Variants in PAK1 observed in about 807,000 individuals in gnomAD.
PAK1 encodes the protein serine/threonine-protein kinase PAK 1.
A neutral mutation model predicts 67.4 loss-of-function variants in PAK1; 29 were observed. The ratio of observed to expected loss-of-function variants is 0.43; its 90% CI spans 0.32 to 0.59. PAK1 has a LOEUF of 0.59. Among genes scored for constraint, PAK1 ranks in the 20% least tolerant of loss-of-function variants. The probability of loss-of-function intolerance (pLI) is 0.07; values close to 1 mark genes in which losing one functional copy is unlikely to be tolerated. For synonymous variants in PAK1, 223 were observed against 237.4 expected (o/e 0.94, Z 0.56); for missense variants, 337 against 670.7 (o/e 0.50, Z 5.50).
intron 10 of PAK1, 142 bp from the exon 11 acceptor site, chr11:77,340,905 A>G (rs1202260943): frequency 1.1e-5 from 7 of 651,076 alleles, no homozygotes; most frequent in African/African-American, 1.8e-5. Context: ...ACTTTGGGGA[A>G]AAGCAGAATC....
At chr11:77,397,702 T>A (rs565213046) in intron 1 of PAK1, among the ~76,000 whole-genome samples, 1 of 152,366 alleles carries the variant, frequency 6.6e-6, no homozygotes, top group South Asian at 2.1e-4. Context: ...TTTCTACTCT[T>A]ATTACCCTGG....
In PAK1 at chr11:77,407,011, T is replaced by A. The variant is rs925694501; in HGVS notation, c.-21-14470A>T. Among the ~76,000 whole-genome samples the A allele has an allele frequency of 3.3e-5, 5 of 152,324 alleles. No individual in the cohort carries two copies. In the East Asian group the frequency reaches 9.6e-4, roughly 29 times the overall value. ...AGTCAGGGGACTTGTAGAATAAGTA[T>A]AGCTATTACGTGCCTACTATATAAT... On this transcript the variant is annotated intron_variant, in intron 1 of 14. Coordinates refer to ENST00000356341, the MANE Select transcript of PAK1 (RefSeq NM_002576.5).
chr11:77,466,336 G>A (rs1957592936), intron 1 of PAK1, among the ~76,000 whole-genome samples: 1 of 152,198 alleles, frequency 6.6e-6, no homozygotes, highest in African/African-American at 2.4e-5. Context: ...GGGCGAGGTG[G>A]CTCACGCCTG....
At chr11:77,440,195 AT>A (rs752970953) in intron 1 of PAK1, among the ~76,000 whole-genome samples, 21 of 152,166 alleles carry the variant, frequency 1.4e-4, no homozygotes, top group Non-Finnish European at 2.6e-4. Flanking sequence ...ATAAAATGGT[AT>A]TTTTTAGAAT....
chr11:77,355,940 A>C (rs764637042), intron 6 of PAK1, 98 bp from the exon 7 acceptor site: 24 of 708,306 alleles, frequency 3.4e-5, no homozygotes, highest in East Asian at 1.6e-4. Flanking sequence ...AGCAAACCCC[A>C]ATAAACTCAT....
the PAK1 span, among the ~76,000 whole-genome samples, chr11:77,526,577 ACAC>A: frequency 6.6e-6 from 1 of 152,224 alleles, no homozygotes; most frequent in South Asian, 2.1e-4. Flanking sequence ...TTGTTAAAAA[ACAC>A]CACATGTGGT....
the PAK1 span, among the ~76,000 whole-genome samples, chr11:77,516,860 G>T: frequency 4.1e-5 from 4 of 97,138 alleles, no homozygotes; most frequent in African/African-American, 1.5e-4. Context: ...AAAAAAAAAA[G>T]CTGGATGCGG....
Position 77,335,034 on chromosome 11 carries a change from T to C in PAK1, c.1413+1052A>G, listed in dbSNP as rs550773314. Among the ~76,000 whole-genome samples the C allele has an allele frequency of 8.5e-4, 130 of 152,238 alleles. 1 individual carries two copies. The highest frequency in any genetic ancestry group is 3.1e-3 in the African/African-American group (127 of 41,544). On this transcript the variant is annotated intron_variant, in intron 13 of 14. Coordinates refer to ENST00000356341, the MANE Select transcript of PAK1 (RefSeq NM_002576.5). ...ACACATAATCTACCCTCCTCCTCCT[T>C]CGGGAAGCACACTGTTCTCTTCATC...
intron 1 of PAK1, among the ~76,000 whole-genome samples, chr11:77,457,996 G>T (rs1957155484): frequency 6.6e-6 from 1 of 152,108 alleles, no homozygotes; most frequent in African/African-American, 2.4e-5. Context: ...AGACTCTGAG[G>T]TAGCCATCAT....
At chr11:77,504,655 G>A in the PAK1 span, among the ~76,000 whole-genome samples, 2 of 152,208 alleles carry the variant, frequency 1.3e-5, no homozygotes, top group Non-Finnish European at 1.5e-5. Context: ...GTATTATTAT[G>A]AAAGTGGGTT....
At chr11:77,478,589 A>G (rs1040620514), upstream of PAK1, among the ~76,000 whole-genome samples, 3 of 151,740 alleles carry the variant, frequency 2.0e-5, no homozygotes, top group Admixed American at 2.0e-4. Flanking sequence ...CCTGGGCAAC[A>G]TGGCGAAACC....
intron 14 of PAK1, chr11:77,325,522 C>A: frequency 1.2e-6 from 1 of 810,674 alleles, no homozygotes; most frequent in Non-Finnish European, 1.8e-6. Context: ...AGTTATATTA[C>A]TATATCAGGA....
At chr11:77,434,645 G>A (rs1956028659) in intron 1 of PAK1, among the ~76,000 whole-genome samples, 1 of 151,466 alleles carries the variant, frequency 6.6e-6, no homozygotes, top group African/African-American at 2.4e-5. Flanking sequence ...ATTGAGACAG[G>A]TTCTCACTCT....
Position 77,430,152 on chromosome 11 carries a change from A to C in PAK1, c.-21-37611T>G, listed in dbSNP as rs569556148. Among the ~76,000 whole-genome samples the C allele has an allele frequency of 1.4e-3, 208 of 152,248 alleles. 1 individual carries two copies. The highest frequency in any genetic ancestry group is 4.9e-3 in the African/African-American group (202 of 41,532). On this transcript the variant is annotated intron_variant, in intron 1 of 14. Transcript: ENST00000356341. ...ATATAGGGCTTGTGTGGTGCCAAAG[A>C]AAATACTCTTCTAAGAATTAGAAGG...
chr11:77,508,656 A>ATT, the PAK1 span, among the ~76,000 whole-genome samples: 4 of 127,952 alleles, frequency 3.1e-5, no homozygotes, highest in Admixed American at 8.6e-5. Context: ...CTACATAGAG[A>ATT]TTCTTTTTTT....
intron 1 of PAK1, among the ~76,000 whole-genome samples, chr11:77,396,809 G>A (rs572970519): frequency 6.6e-6 from 1 of 152,052 alleles, no homozygotes; most frequent in African/African-American, 2.4e-5. Context: ...CTACTTTCCA[G>A]CTTCCCTGCA....
intron 8 of PAK1, among the ~76,000 whole-genome samples, chr11:77,351,457 A>G (rs1945236040): frequency 1.3e-5 from 2 of 152,158 alleles, no homozygotes; most frequent in African/African-American, 2.4e-5. Context: ...TACATTCTTA[A>G]TATCTCAATT....
intron 1 of PAK1, among the ~76,000 whole-genome samples, chr11:77,428,291 C>T (rs1955660625): frequency 6.6e-6 from 1 of 152,082 alleles, no homozygotes; most frequent in African/African-American, 2.4e-5. Flanking sequence ...AGGCCAGGCG[C>T]GGTGGCTCAC....
At chr11:77,377,300 T>G (rs751904776) in intron 4 of PAK1, among the ~76,000 whole-genome samples, 14 of 152,032 alleles carry the variant, frequency 9.2e-5, no homozygotes, top group Non-Finnish European at 1.8e-4. Context: ...TGAGGTAGTA[T>G]TATCATAACT....
Sources: allele counts gnomAD v4.1 joint callset (sites outside exome capture counted in the v4.1 genomes callset), GRCh38; gene constraint gnomAD v4.1.1; transcripts MANE v1.5; gene names NCBI Gene and HGNC (gene_info 2026-07-23, HGNC 2026-07-21).